Variants in MIPOL1 observed in about 807,000 individuals in gnomAD.
MIPOL1 encodes mirror-image polydactyly 1.
In MIPOL1, 57 loss-of-function variants were observed where a neutral mutation model predicts 60.9. The ratio of observed to expected loss-of-function variants is 0.94; its 90% CI spans 0.76 to 1.17. The LOEUF (loss-of-function observed/expected upper bound fraction) is 1.17. MIPOL1 is among the 50% of genes most tolerant of loss of function. The pLI is 0.00. For missense variants in MIPOL1, 551 were observed against 511.6 expected, an observed-to-expected ratio of 1.08 and a Z score of -0.74; for synonymous variants, 179 against 168.8, an observed-to-expected ratio of 1.06 and a Z score of -0.47.
chr14:37,290,606 G>T (rs1424225839), intron 7 of MIPOL1, among the ~76,000 whole-genome samples: 1 of 151,990 alleles, frequency 6.6e-6, no homozygotes, highest in African/African-American at 2.4e-5. Context: ...GCTGAATCAG[G>T]GCAATTGTTC....
intron 10 of MIPOL1, among the ~76,000 whole-genome samples, chr14:37,418,074 A>G (rs1050409201): frequency 5.9e-5 from 9 of 152,232 alleles, no homozygotes; most frequent in Non-Finnish European, 1.0e-4. Context: ...TATTTAGCAG[A>G]TATCACACAT....
chr14:37,323,470 G>C (rs925940830), intron 9 of MIPOL1, among the ~76,000 whole-genome samples: 5 of 151,818 alleles, frequency 3.3e-5, no homozygotes, highest in Non-Finnish European at 7.4e-5. Context: ...CTTTTTTTTG[G>C]TTCCATATGA....
At chr14:37,271,052 G>T (rs976937988) in intron 6 of MIPOL1, among the ~76,000 whole-genome samples, 2 of 152,024 alleles carry the variant, frequency 1.3e-5, no homozygotes, top group African/African-American at 2.4e-5. Flanking sequence ...AAAGTGAAAG[G>T]TTGCCAAACT....
chr14:37,365,383 T>C (rs368131593), intron 9 of MIPOL1, among the ~76,000 whole-genome samples: 27 of 152,260 alleles, frequency 1.8e-4, no homozygotes, highest in African/African-American at 2.9e-4. Context: ...GTACATTCCT[T>C]CTATACCCAA....
intron 10 of MIPOL1, among the ~76,000 whole-genome samples, chr14:37,377,493 T>C (rs1183744833): frequency 6.6e-6 from 1 of 152,096 alleles, no homozygotes; most frequent in Non-Finnish European, 1.5e-5. Flanking sequence ...TAAGCAACTA[T>C]ATCATCAGCA....
Position 37,430,512 on chromosome 14 carries a change from TAAAA to T in MIPOL1, c.1031+7568_1031+7571del, listed in dbSNP as rs67988090. ...AGAAAATTAAAATAGTTTTTTTTTT[TAAAA>T]AAAAGTATACATTTTCTGTATGTCC... On this transcript the variant is annotated intron_variant, in intron 11 of 12. Transcript: ENST00000684589. Among the ~76,000 whole-genome samples, 380 of 149,470 alleles carry T rather than the reference TAAAA, an allele frequency of 2.5e-3. 2 individuals carry two copies. Among genetic ancestry groups the T allele is most frequent in the East Asian group, 0.011 (58 of 5,094 alleles).
At chr14:37,335,206 A>G (rs963972478) in intron 9 of MIPOL1, among the ~76,000 whole-genome samples, 5 of 152,034 alleles carry the variant, frequency 3.3e-5, no homozygotes, top group African/African-American at 1.2e-4. Flanking sequence ...ATCCCGGTGG[A>G]TGTGAGGTAG....
At chr14:37,329,738 A>C (rs905835758) in intron 9 of MIPOL1, among the ~76,000 whole-genome samples, 1 of 152,168 alleles carries the variant, frequency 6.6e-6, no homozygotes, top group Admixed American at 6.5e-5. Context: ...TCATCCAGTA[A>C]ACACTAATAC....
intron 3 of MIPOL1, among the ~76,000 whole-genome samples, chr14:37,250,578 A>G (rs1051630931): frequency 6.6e-6 from 1 of 152,126 alleles, no homozygotes; most frequent in Admixed American, 6.6e-5. Flanking sequence ...ATAAAATTAA[A>G]CATAAATATT....
chr14:37,244,415 C>T (rs1387812081), intron 1 of MIPOL1, among the ~76,000 whole-genome samples: 1 of 151,832 alleles, frequency 6.6e-6, no homozygotes, highest in Non-Finnish European at 1.5e-5. Context: ...GCCACCATGC[C>T]CCGCCACTTC....
At chr14:37,261,486 T>G (rs933883997) in intron 3 of MIPOL1, among the ~76,000 whole-genome samples, 7 of 152,042 alleles carry the variant, frequency 4.6e-5, no homozygotes, top group African/African-American at 1.7e-4. Flanking sequence ...TTGAGAAAAT[T>G]TAAAATATGA....
chr14:37,520,926 CTTTTTT>C (rs11299536), intron 12 of MIPOL1, among the ~76,000 whole-genome samples: 1 of 47,732 alleles, frequency 2.1e-5, no homozygotes, highest in African/African-American at 1.0e-4. Context: ...TAACATTTTA[CTTTTTT>C]TTTTTTTTTT....
chr14:37,520,892 T>C (rs1443658617), intron 12 of MIPOL1, among the ~76,000 whole-genome samples: 1 of 150,924 alleles, frequency 6.6e-6, no homozygotes, highest in Non-Finnish European at 1.5e-5. Flanking sequence ...AAATAACTGC[T>C]TGTGAGATGA....
At chr14:37,304,247 A>G (rs1349956560) in intron 7 of MIPOL1, among the ~76,000 whole-genome samples, 1 of 151,726 alleles carries the variant, frequency 6.6e-6, no homozygotes, top group Non-Finnish European at 1.5e-5. Flanking sequence ...CTTCTGATCT[A>G]CATTGTATCT....
chr14:37,288,807 A>G (rs1211201217), intron 7 of MIPOL1, among the ~76,000 whole-genome samples: 1 of 152,054 alleles, frequency 6.6e-6, no homozygotes, highest in Admixed American at 6.6e-5. Context: ...CTCAAGAAAA[A>G]AAAAAAGATG....
Position 37,425,767 on chromosome 14 carries a change from G to C in MIPOL1, c.1031+2818G>C, listed in dbSNP as rs531602852. ...AAAATATATCACTGAAACCAAAGAA[G>C]ATTTCCCATAGGAAAAAAGAGTCAA... On this transcript the variant is annotated intron_variant, in intron 11 of 12. Transcript: ENST00000684589. Among the ~76,000 whole-genome samples, 450 of 152,230 alleles carry C rather than the reference G, an allele frequency of 3.0e-3. 3 individuals carry two copies. Among genetic ancestry groups the C allele is most frequent in the African/African-American group, 9.2e-3 (384 of 41,536 alleles).
At position 37,547,179 on chromosome 14, in the gene MIPOL1, A is replaced by G. The variant is rs1027556687; in HGVS notation, c.*208A>G. On this transcript the variant is annotated 3_prime_UTR_variant, in exon 13 of 13. Coordinates refer to ENST00000684589, the MANE Select transcript of MIPOL1 (RefSeq NM_001388067.1). ...AGTTATTTATCCAAATATATTAACTATAGACTTTTACCAATGGGTAGCTAT... is the reference window on the plus strand; with the variant it reads ...AGTTATTTATCCAAATATATTAACTGTAGACTTTTACCAATGGGTAGCTAT... The G allele has an allele frequency of 7.6e-6, 4 of 523,704 alleles. No individual in the cohort carries two copies. The highest frequency in any genetic ancestry group is 1.9e-5 in the African/African-American group (1 of 51,376). 32.4% of individuals were successfully genotyped at this position (523,704 alleles called of 1,614,324 possible). A position where few individuals can be genotyped will look rare whatever the true frequency, so the allele number is the denominator to read the frequency against.
At chr14:37,418,186 C>T (rs1386260092) in intron 10 of MIPOL1, among the ~76,000 whole-genome samples, 14 of 152,148 alleles carry the variant, frequency 9.2e-5, no homozygotes, top group Admixed American at 9.2e-4. Flanking sequence ...CTATTAAAAA[C>T]ACATTTAAAC....
chr14:37,361,941 CT>C (rs1161978853), intron 9 of MIPOL1, among the ~76,000 whole-genome samples: 1 of 151,938 alleles, frequency 6.6e-6, no homozygotes, highest in Non-Finnish European at 1.5e-5. Flanking sequence ...GCAATGCCTG[CT>C]TTTTTTGCTT....
Sources: allele counts gnomAD v4.1 joint callset (sites outside exome capture counted in the v4.1 genomes callset), GRCh38; gene constraint gnomAD v4.1.1; transcripts MANE v1.5; gene names NCBI Gene and HGNC (gene_info 2026-07-23, HGNC 2026-07-21).